Variants in DPY19L1 observed in about 807,000 individuals in gnomAD.
DPY19L1 encodes protein C-mannosyl-transferase DPY19L1.
A neutral mutation model predicts 96.9 loss-of-function variants in DPY19L1; 35 were observed. The observed-to-expected ratio is 0.36, with a 90% CI of 0.28 to 0.48. The LOEUF is 0.48. Among genes scored for constraint, DPY19L1 ranks in the 20% least tolerant of loss-of-function variants. DPY19L1 has a pLI of 0.99. For synonymous variants in DPY19L1, 205 were observed against 252.6 expected (o/e 0.81, Z 1.79); for missense variants, 521 against 777.9 (o/e 0.67, Z 3.93).
At chr7:34,982,768 C>T (rs1163096421) in intron 7 of DPY19L1, among the ~76,000 whole-genome samples, 1 of 152,144 alleles carries the variant, frequency 6.6e-6, no homozygotes, top group Admixed American at 6.5e-5. Flanking sequence ...CACCCCTCCC[C>T]CAACCTGGGA....
chr7:35,001,447 A>C (rs1362246700), intron 6 of DPY19L1, among the ~76,000 whole-genome samples: 2 of 152,174 alleles, frequency 1.3e-5, no homozygotes, highest in Non-Finnish European at 2.9e-5. Context: ...ACCTTATTCC[A>C]TTCTCACATA....
At chr7:35,026,221 T>C (rs953801122) in intron 1 of DPY19L1, among the ~76,000 whole-genome samples, 1 of 152,196 alleles carries the variant, frequency 6.6e-6, no homozygotes, top group Non-Finnish European at 1.5e-5. Context: ...CCCAGTGTCC[T>C]GGAAACCAGT....
intron 10 of DPY19L1, among the ~76,000 whole-genome samples, chr7:34,965,306 A>AT (rs1389488042): frequency 1.3e-5 from 2 of 152,220 alleles, no homozygotes; most frequent in East Asian, 3.8e-4. Context: ...TGGAAAATAT[A>AT]AAGCAGTGAA....
chr7:35,011,738 T>C (rs1190533402), intron 4 of DPY19L1, among the ~76,000 whole-genome samples: 1 of 152,172 alleles, frequency 6.6e-6, no homozygotes, highest in Non-Finnish European at 1.5e-5. Flanking sequence ...AAAAGAAGAT[T>C]TGCACAAGTA....
chr7:34,956,011 C>T (rs911877092), intron 11 of DPY19L1, among the ~76,000 whole-genome samples: 1 of 152,026 alleles, frequency 6.6e-6, no homozygotes, highest in African/African-American at 2.4e-5. Flanking sequence ...TAAATATGCA[C>T]AAACATGCTG....
At chr7:34,960,002 T>A (rs1784469531) in intron 10 of DPY19L1, among the ~76,000 whole-genome samples, 2 of 148,590 alleles carry the variant, frequency 1.3e-5, no homozygotes, top group African/African-American at 4.9e-5. Context: ...TCTCAGTTCA[T>A]TTTTGACCTC....
chr7:34,931,559 AG>A lies in DPY19L1; in HGVS notation c.*13del. 1 of 1,516,434 alleles carries A rather than the reference AG, an allele frequency of 6.6e-7. No individual in the cohort carries two copies. The highest frequency in any genetic ancestry group is 8.8e-7 in the Non-Finnish European group (1 of 1,135,038). 93.9% of individuals were successfully genotyped at this position (1,516,434 alleles called of 1,614,324 possible). A position where few individuals can be genotyped will look rare whatever the true frequency, so the allele number is the denominator to read the frequency against. On this transcript the variant is annotated 3_prime_UTR_variant, in exon 22 of 22. Coordinates refer to ENST00000638088, the MANE Select transcript of DPY19L1 (RefSeq NM_001366673.1). ...ACAGATGTAGTTCTCCGTAGGCAGCAGGTCATGTAGCAGTCATTCTTTTACA... is the reference window on the plus strand; with the variant it reads ...ACAGATGTAGTTCTCCGTAGGCAGCAGTCATGTAGCAGTCATTCTTTTACA...
intron 1 of DPY19L1, among the ~76,000 whole-genome samples, chr7:35,031,001 T>A (rs1383300281): frequency 6.6e-6 from 1 of 152,082 alleles, no homozygotes; most frequent in African/African-American, 2.4e-5. Context: ...CCTGGAAGAG[T>A]AATGTCTCAA....
At chr7:34,948,502 A>C (rs1350040490) in intron 14 of DPY19L1, among the ~76,000 whole-genome samples, 1 of 152,200 alleles carries the variant, frequency 6.6e-6, no homozygotes, top group Non-Finnish European at 1.5e-5. Context: ...CTATGAATTA[A>C]GATACTTACA....
chr7:34,944,413 AC>A (rs1167202754), intron 16 of DPY19L1, among the ~76,000 whole-genome samples: 3 of 151,318 alleles, frequency 2.0e-5, no homozygotes, highest in Admixed American at 6.6e-5. Flanking sequence ...AAATATAGAT[AC>A]ATACACATTC....
chr7:34,967,199 T>C (rs1225372347), intron 9 of DPY19L1, among the ~76,000 whole-genome samples: 2 of 152,216 alleles, frequency 1.3e-5, no homozygotes, highest in South Asian at 2.1e-4. Context: ...GTGAATTGTC[T>C]ACTTTGTCAA....
At chr7:35,002,555 C>T (rs1044191694) in intron 6 of DPY19L1, among the ~76,000 whole-genome samples, 2 of 152,028 alleles carry the variant, frequency 1.3e-5, no homozygotes, top group Admixed American at 1.3e-4. Flanking sequence ...AAATCAAAGG[C>T]ATGATTGAAA....
chr7:35,032,476 A>G, intron 1 of DPY19L1, among the ~76,000 whole-genome samples: 1 of 152,194 alleles, frequency 6.6e-6, no homozygotes, highest in East Asian at 1.9e-4. Context: ...TAAGCCCCCT[A>G]TCAGTATAAG....
intron 13 of DPY19L1, among the ~76,000 whole-genome samples, chr7:34,952,691 G>T (rs1584213101): frequency 6.6e-6 from 1 of 152,082 alleles, no homozygotes; most frequent in African/African-American, 2.4e-5. Flanking sequence ...TTGAGCAGGT[G>T]AGGTTTATCC....
rs60937482 is a variant in DPY19L1, at chr7:34,944,365, C to CAA, written c.1544+1300_1544+1301dup. ...TGGGTGACAGAGTGAGGCTCTGTCT[C>CAA]AAAAAAAAAAAAAAAAAAAGAAAAA... On this transcript the variant is annotated intron_variant, in intron 16 of 21. Coordinates refer to ENST00000638088, the MANE Select transcript of DPY19L1 (RefSeq NM_001366673.1). 6.9e-3 allele frequency among the ~76,000 whole-genome samples: 567 copies of CAA among 82,264 alleles called. 8 individuals carry two copies. Among genetic ancestry groups the CAA allele is most frequent in the East Asian group, 0.024 (69 of 2,834 alleles). The allele number at this position is 82,264 out of a possible 152,430, so 54.0% of individuals were successfully genotyped here.
chr7:34,940,513 A>G (rs559699263), intron 18 of DPY19L1, among the ~76,000 whole-genome samples, 186 bp from the exon 19 acceptor site: 3 of 152,288 alleles, frequency 2.0e-5, no homozygotes, highest in South Asian at 4.1e-4. Context: ...TCAGCCTCAT[A>G]TAAGTGGAAC....
chr7:34,991,419 C>G (rs780929855), intron 6 of DPY19L1, among the ~76,000 whole-genome samples: 10 of 152,106 alleles, frequency 6.6e-5, no homozygotes, highest in Non-Finnish European at 1.3e-4. Flanking sequence ...TGATGGATCA[C>G]TGAAATGAGA....
At chr7:35,031,799 T>C (rs932526512) in intron 1 of DPY19L1, among the ~76,000 whole-genome samples, 3 of 152,238 alleles carry the variant, frequency 2.0e-5, no homozygotes, top group African/African-American at 7.2e-5. Flanking sequence ...TAATAAAATA[T>C]GTTTAGGTGA....
At chr7:35,023,839 T>C (rs1584261955) in intron 1 of DPY19L1, among the ~76,000 whole-genome samples, 1 of 143,860 alleles carries the variant, frequency 7.0e-6, no homozygotes, top group South Asian at 2.2e-4. Flanking sequence ...TTTTCTTTTT[T>C]TTTTTTTTTT....
Sources: allele counts gnomAD v4.1 joint callset (sites outside exome capture counted in the v4.1 genomes callset), GRCh38; gene constraint gnomAD v4.1.1; transcripts MANE v1.5; gene names NCBI Gene and HGNC (gene_info 2026-07-23, HGNC 2026-07-21).